Variants in ARIH1 observed in about 807,000 individuals in gnomAD.
ARIH1 encodes ariadne RBR E3 ubiquitin protein ligase 1.
Under a neutral mutation model 85.0 loss-of-function variants are expected in ARIH1, and 8 were observed. The ratio of observed to expected loss-of-function variants is 0.09; its 90% CI spans 0.06 to 0.17. The LOEUF is 0.17. Among genes scored for constraint, ARIH1 ranks in the 10% least tolerant of loss-of-function variants. The probability of loss-of-function intolerance (pLI) is 1.00; values close to 1 mark genes in which losing one functional copy is unlikely to be tolerated. For missense variants in ARIH1, 311 were observed against 718.1 expected, an observed-to-expected ratio of 0.43 and a Z score of 6.48; for synonymous variants, 238 against 253.6, an observed-to-expected ratio of 0.94 and a Z score of 0.59.
intron 3 of ARIH1, among the ~76,000 whole-genome samples, chr15:72,546,436 C>T (rs2064129200): frequency 1.3e-5 from 2 of 152,128 alleles, no homozygotes; most frequent in South Asian, 2.1e-4. Context: ...GTAACTCTAA[C>T]GTGAAATTTT....
intron 3 of ARIH1, among the ~76,000 whole-genome samples, chr15:72,553,612 C>T (rs76774980): frequency 0.029 from 4,413 of 152,180 alleles, 113 homozygotes; most frequent in East Asian, 0.11. Context: ...CTATTCTGGA[C>T]ATTTCATATG....
intron 9 of ARIH1, among the ~76,000 whole-genome samples, chr15:72,569,311 G>GA (rs1013847651): frequency 2.0e-5 from 3 of 152,000 alleles, no homozygotes; most frequent in Non-Finnish European, 4.4e-5. Context: ...GTCTCAAAAA[G>GA]AAAAAGAAAA....
rs75276778 is a variant in ARIH1, at chr15:72,520,730, A to G, written c.443+2596A>G. ...TACAACTATATAAAAGTTTCTAACA[A>G]TATTTACTTGAAGTTTTAATCCATC... On this transcript the variant is annotated intron_variant, in intron 2 of 13. Transcript: ENST00000379887. 3.3e-5 allele frequency among the ~76,000 whole-genome samples: 5 copies of G among 152,338 alleles called. No individual in the cohort carries two copies. The East Asian group carries it at 5.8e-4, about 18-fold the overall frequency.
chr15:72,526,292 G>A (rs2064027900), intron 2 of ARIH1, among the ~76,000 whole-genome samples: 1 of 152,060 alleles, frequency 6.6e-6, no homozygotes, highest in African/African-American at 2.4e-5. Context: ...TGCCCTGGAG[G>A]GAGGTGCCCA....
At position 72,561,556 on chromosome 15, in the gene ARIH1, G is replaced by A. The variant is rs1454329147; in HGVS notation, c.804+7G>A. The A allele has an allele frequency of 2.0e-6, 3 of 1,505,312 alleles. No individual in the cohort carries two copies. In the Middle Eastern group the frequency reaches 5.7e-4, roughly 284 times the overall value. 93.2% of individuals were successfully genotyped at this position (1,505,312 alleles called of 1,614,324 possible). A position where few individuals can be genotyped will look rare whatever the true frequency, so the allele number is the denominator to read the frequency against. On this transcript the variant is annotated splice_region_variant and intron_variant, in intron 6 of 13. Coordinates refer to ENST00000379887, the MANE Select transcript of ARIH1 (RefSeq NM_005744.5). ...AACAAATAGCTTTGTAGAGGTAAGT[G>A]ATTTGTTTTCCTTCTTGTAAGAAGG...
intron 2 of ARIH1, among the ~76,000 whole-genome samples, chr15:72,540,121 G>C (rs1324775882): frequency 3.9e-5 from 6 of 151,992 alleles, no homozygotes; most frequent in African/African-American, 9.7e-5. Flanking sequence ...AGCTGGGCGT[G>C]GTGGCAGGCG....
intron 1 of ARIH1, among the ~76,000 whole-genome samples, chr15:72,488,326 C>T (rs956196026): frequency 3.3e-4 from 50 of 152,170 alleles, no homozygotes; most frequent in Non-Finnish European, 8.8e-5. Flanking sequence ...ATCTTCCCAC[C>T]TCAGCCTCCC....
intron 7 of ARIH1, among the ~76,000 whole-genome samples, chr15:72,565,529 G>T (rs1296723784): frequency 6.6e-6 from 1 of 152,012 alleles, no homozygotes; most frequent in Non-Finnish European, 1.5e-5. Flanking sequence ...AAAAGAGCAG[G>T]TAAGCTCACA....
At chr15:72,483,930 G>C (rs2063826527) in intron 1 of ARIH1, among the ~76,000 whole-genome samples, 2 of 151,798 alleles carry the variant, frequency 1.3e-5, no homozygotes, top group Non-Finnish European at 2.9e-5. Flanking sequence ...CCAGCACTTT[G>C]GGAGGCCGAG....
At chr15:72,526,976 A>G (rs1468510171) in intron 2 of ARIH1, among the ~76,000 whole-genome samples, 1 of 152,062 alleles carries the variant, frequency 6.6e-6, no homozygotes, top group Non-Finnish European at 1.5e-5. Flanking sequence ...AGCAAAGCAA[A>G]GCATAAAATC....
chr15:72,497,105 TC>T (rs2063883236), intron 1 of ARIH1, among the ~76,000 whole-genome samples: 1 of 152,246 alleles, frequency 6.6e-6, no homozygotes, highest in African/African-American at 2.4e-5. Context: ...TTTGCCACTG[TC>T]TTTAAGATGC....
At chr15:72,543,558 ATATT>A (rs1014470466) in intron 2 of ARIH1, among the ~76,000 whole-genome samples, 5 of 152,236 alleles carry the variant, frequency 3.3e-5, no homozygotes, top group Non-Finnish European at 5.9e-5. Flanking sequence ...TATAAAAAAG[ATATT>A]TATTTATTAG....
At chr15:72,567,347 T>C (rs1320958552) in intron 9 of ARIH1, among the ~76,000 whole-genome samples, 170 bp downstream of exon 9, 1 of 152,138 alleles carries the variant, frequency 6.6e-6, no homozygotes, top group Non-Finnish European at 1.5e-5. Context: ...CTTTTTCTCT[T>C]TGAGTTTATT....
intron 6 of ARIH1, 81 bp from the exon 7 acceptor site, chr15:72,563,313 C>G: frequency 8.1e-7 from 1 of 1,238,314 alleles, no homozygotes; most frequent in Non-Finnish European, 1.2e-6. Flanking sequence ...CCCGCCTTGG[C>G]CTCCCTAAGT....
At position 72,584,052 on chromosome 15, in the gene ARIH1, C is replaced by T. The variant is rs895212803; in HGVS notation, c.*760C>T. On this transcript the variant is annotated 3_prime_UTR_variant, in exon 14 of 14. Transcript: ENST00000379887. Reference sequence around the variant, plus strand: ...TTTTCTTTCAGTTTGCTTATCTTTCCCGGGTTGGGGTTGGGATAAAGGTGT... The same window carrying T: ...TTTTCTTTCAGTTTGCTTATCTTTCTCGGGTTGGGGTTGGGATAAAGGTGT... 2 of 151,954 alleles carry T rather than the reference C, an allele frequency of 1.3e-5. No individual in the cohort carries two copies. The highest frequency in any genetic ancestry group is 4.8e-5 in the African/African-American group (2 of 41,358). The allele number at this position is 151,954 out of a possible 1,614,324, so 9.4% of individuals were successfully genotyped here.
chr15:72,567,297 G>C, intron 9 of ARIH1, 120 bp downstream of exon 9: 2 of 668,450 alleles, frequency 3.0e-6, no homozygotes, highest in Admixed American at 3.3e-5. Context: ...TCTCCATTGA[G>C]TCTTTTTTTT....
At chr15:72,530,157 C>T (rs758408907) in intron 2 of ARIH1, among the ~76,000 whole-genome samples, 5 of 152,088 alleles carry the variant, frequency 3.3e-5, no homozygotes, top group Admixed American at 2.6e-4. Flanking sequence ...TAATTTTGAC[C>T]GTTCCTTTCA....
At chr15:72,490,383 A>T (rs1222117208) in intron 1 of ARIH1, among the ~76,000 whole-genome samples, 2 of 152,180 alleles carry the variant, frequency 1.3e-5, no homozygotes, top group South Asian at 4.2e-4. Flanking sequence ...GAGCGTTACC[A>T]CCTGAGCTCT....
intron 1 of ARIH1, among the ~76,000 whole-genome samples, chr15:72,508,842 C>T (rs934042430): frequency 3.3e-5 from 5 of 151,786 alleles, no homozygotes; most frequent in Admixed American, 6.6e-5. Context: ...TACAGGCATA[C>T]GCCACCATGC....
Sources: allele counts gnomAD v4.1 joint callset (sites outside exome capture counted in the v4.1 genomes callset), GRCh38; gene constraint gnomAD v4.1.1; transcripts MANE v1.5; gene names NCBI Gene and HGNC (gene_info 2026-07-23, HGNC 2026-07-21).